The following ARMC9 variants were observed in gnomAD, a reference collection of about 807,000 sequenced individuals.
ARMC9 encodes the protein armadillo repeat containing 9, also known as lisH domain-containing protein ARMC9.
Under a neutral mutation model 107.0 loss-of-function variants are expected in ARMC9, and 94 were observed. The ratio of observed to expected loss-of-function variants is 0.88; its 90% CI spans 0.74 to 1.04. The LOEUF is 1.04. Ranked by LOEUF, ARMC9 falls within the 50% of genes least tolerant of loss-of-function variation. The pLI, the probability that ARMC9 is intolerant of heterozygous loss-of-function variation, is 0.00. For missense variants in ARMC9, 942 were observed against 1,030.1 expected, an observed-to-expected ratio of 0.91 and a Z score of 1.17; for synonymous variants, 380 against 396.9, an observed-to-expected ratio of 0.96 and a Z score of 0.51.
At chr2:231,256,381 C>G in intron 9 of ARMC9, 1 of 1,314,320 alleles carries the variant, frequency 7.6e-7, no homozygotes, top group Admixed American at 2.0e-5. Context: ...ACAGTCTGCT[C>G]CTTTTTTTTT....
At chr2:231,242,603 T>C (rs1257962883) in intron 9 of ARMC9, among the ~76,000 whole-genome samples, 3 of 151,984 alleles carry the variant, frequency 2.0e-5, no homozygotes, top group Non-Finnish European at 4.4e-5. Flanking sequence ...GGAAGCAGAG[T>C]GTGCTTACCA....
intron 11 of ARMC9, among the ~76,000 whole-genome samples, chr2:231,260,703 A>G (rs2038253375): frequency 1.3e-5 from 2 of 151,890 alleles, no homozygotes; most frequent in African/African-American, 2.4e-5. Flanking sequence ...CTCCCTGGCC[A>G]TTGCCTCTCT....
intron 9 of ARMC9, among the ~76,000 whole-genome samples, chr2:231,247,697 G>A (rs530419609): frequency 1.3e-5 from 2 of 152,186 alleles, no homozygotes; most frequent in Non-Finnish European, 2.9e-5. Context: ...TTGGGAGGCC[G>A]AGGCAGGCAG....
chr2:231,368,256 T>C (rs991655306), intron 23 of ARMC9, among the ~76,000 whole-genome samples: 2 of 152,140 alleles, frequency 1.3e-5, no homozygotes, highest in African/African-American at 4.8e-5. Context: ...TTTCATGTAA[T>C]GATTTTACAA....
chr2:231,208,646 G>C (rs1177667998), intron 3 of ARMC9, among the ~76,000 whole-genome samples: 1 of 152,176 alleles, frequency 6.6e-6, no homozygotes, highest in Non-Finnish European at 1.5e-5. Flanking sequence ...AGGTTGGAGG[G>C]AACAGGGAGC....
At chr2:231,264,232 G>T (rs548653307) in intron 12 of ARMC9, among the ~76,000 whole-genome samples, 58 of 152,340 alleles carry the variant, frequency 3.8e-4, no homozygotes, top group African/African-American at 1.4e-3. Context: ...AGGTTGGAGT[G>T]CAGTGGTGCA....
chr2:231,277,110 A>G (rs2039828077), intron 15 of ARMC9, among the ~76,000 whole-genome samples: 1 of 152,180 alleles, frequency 6.6e-6, no homozygotes, highest in Non-Finnish European at 1.5e-5. Context: ...TTCCCAAGAT[A>G]CTATAGGATT....
chr2:231,227,044 C>T (rs10181630), intron 7 of ARMC9, among the ~76,000 whole-genome samples: 46,811 of 152,068 alleles, frequency 0.31, 8,145 homozygotes, highest in African/African-American at 0.47. Context: ...AATCCAATAA[C>T]ATCCCAAAGG....
At chr2:231,292,167 C>CAAAAAAAA (rs1248110796) in intron 18 of ARMC9, among the ~76,000 whole-genome samples, 2 of 56,064 alleles carry the variant, frequency 3.6e-5, no homozygotes, top group Non-Finnish European at 7.3e-5. Context: ...AACTCCTTCT[C>CAAAAAAAA]AAAAAAAAAA....
rs1337889645 is a variant in ARMC9 at position 231,273,059 on chromosome 2, C to T, written c.1315C>T (p.Leu439=). Residue 439 remains leucine, a synonymous_variant, in exon 14 of 25, where the codon CTG becomes TTG. Coordinates refer to ENST00000611582, the MANE Select transcript of ARMC9 (RefSeq NM_001352754.2). ...CACCAGGGAGAATGTTCTTGGGGCCCTGCAGAAGTTCAGTCTCAGGTAACG... is the reference window on the plus strand; with the variant it reads ...CACCAGGGAGAATGTTCTTGGGGCCTTGCAGAAGTTCAGTCTCAGGTAACG... The part of the protein sequence containing the change: ...IITRENVLGA[L]QKFSLRRPLQ... The T allele has an allele frequency of 3.1e-6, 5 of 1,613,690 alleles. No homozygotes were observed. The highest frequency in any genetic ancestry group is 1.1e-5 in the South Asian group (1 of 91,052).
chr2:231,318,890 T>C (rs1047104556), intron 19 of ARMC9, among the ~76,000 whole-genome samples: 18 of 152,150 alleles, frequency 1.2e-4, no homozygotes, highest in African/African-American at 3.9e-4. Context: ...GACATCCTAT[T>C]TGGAGAAAGC....
At chr2:231,231,750 G>A (rs990086000) in intron 7 of ARMC9, among the ~76,000 whole-genome samples, 130 of 148,106 alleles carry the variant, frequency 8.8e-4, no homozygotes, top group Non-Finnish European at 4.3e-4. Context: ...GTGCAGTGGC[G>A]TGATCTTGGC....
intron 14 of ARMC9, among the ~76,000 whole-genome samples, chr2:231,276,334 G>A (rs963714172): frequency 4.0e-5 from 6 of 150,552 alleles, no homozygotes; most frequent in Non-Finnish European, 8.9e-5. Context: ...GCAGTGGTAC[G>A]ATCTCGGCTC....
intron 16 of ARMC9, 28 bp downstream of exon 16, chr2:231,278,486 G>C: frequency 1.9e-6 from 3 of 1,605,648 alleles, no homozygotes. Context: ...CTGGCCCTGG[G>C]CTCGGGGAGG....
Position 231,376,167 on chromosome 2 carries a change from A to C in ARMC9, c.*4632A>C, listed in dbSNP as rs190448828. Among the ~76,000 whole-genome samples, 11 of 152,278 alleles carry C rather than the reference A, an allele frequency of 7.2e-5. No individual in the cohort carries two copies. The highest frequency in any genetic ancestry group is 4.6e-4 in the Admixed American group (7 of 15,292). On this transcript the variant is annotated 3_prime_UTR_variant, in exon 25 of 25. Coordinates refer to ENST00000611582, the MANE Select transcript of ARMC9 (RefSeq NM_001352754.2). ...ACCCTGTAATAATTGCATTAACTGC[A>C]CAAATTGTACAGCATGTGTGTTTGC...
At chr2:231,349,206 A>G (rs1288198863) in intron 21 of ARMC9, among the ~76,000 whole-genome samples, 1 of 152,246 alleles carries the variant, frequency 6.6e-6, no homozygotes, top group African/African-American at 2.4e-5. Flanking sequence ...AGATGAATGG[A>G]CAAAGAAAAT....
rs150824402 is a variant in ARMC9 at position 231,346,210 on chromosome 2, A to G, written c.1994+1120A>G. On this transcript the variant is annotated intron_variant, in intron 21 of 24. Coordinates refer to ENST00000611582, the MANE Select transcript of ARMC9 (RefSeq NM_001352754.2). ...CTTACAATCAGTGTTTTTAACCTAC[A>G]GAAAAGTTAAAGAATATTACACTGA... 6.9e-3 allele frequency among the ~76,000 whole-genome samples: 1,048 copies of G among 152,328 alleles called. 13 individuals are homozygous for G. The highest frequency in any genetic ancestry group is 0.02 in the Middle Eastern group (6 of 294).
chr2:231,289,936 C>T (rs1247081013), intron 17 of ARMC9, among the ~76,000 whole-genome samples: 1 of 152,208 alleles, frequency 6.6e-6, no homozygotes, highest in Non-Finnish European at 1.5e-5. Context: ...CCACGAACCC[C>T]TACTGGACAC....
intron 14 of ARMC9, 128 bp from the exon 15 acceptor site, chr2:231,276,508 G>A (rs2039766403): frequency 4.8e-6 from 6 of 1,262,146 alleles, no homozygotes; most frequent in Non-Finnish European, 6.6e-6. Context: ...GACCTCAGGT[G>A]ATCCGTCCGC....
Sources: gnomAD v4.1 joint callset for allele counts (sites outside exome capture counted in the v4.1 genomes callset) on GRCh38, gnomAD v4.1.1 for gene constraint, MANE v1.5 for transcripts, NCBI Gene and HGNC (gene_info 2026-07-23, HGNC 2026-07-21) for gene names.